SH3RF3: variants seen among roughly 807,000 people sequenced by gnomAD.
SH3RF3 encodes SH3 domain containing ring finger 3.
SH3RF3 carries 29 observed loss-of-function variants against 66.3 expected under a neutral mutation model. The observed-to-expected ratio is 0.44, with a 90% CI of 0.33 to 0.60. The LOEUF (loss-of-function observed/expected upper bound fraction) is 0.60, where lower values mean the gene tolerates loss of function less well. Among genes scored for constraint, SH3RF3 ranks in the 20% least tolerant of loss-of-function variants. The pLI, the probability that SH3RF3 is intolerant of heterozygous loss-of-function variation, is 0.04. For missense variants in SH3RF3, 1,194 were observed against 1,190.9 expected (o/e 1.00, Z -0.04); for synonymous variants, 583 against 532.0 (o/e 1.10, Z -1.32).
chr2:109,484,071 T>C (rs1461281622), intron 8 of SH3RF3, among the ~76,000 whole-genome samples: 4 of 148,188 alleles, frequency 2.7e-5, no homozygotes, highest in South Asian at 2.1e-4. Context: ...GCCTTTCTTT[T>C]TTTTTTTTTT....
chr2:109,209,897 C>G (rs1436912487), intron 1 of SH3RF3, among the ~76,000 whole-genome samples: 1 of 152,012 alleles, frequency 6.6e-6, no homozygotes, highest in East Asian at 1.9e-4. Flanking sequence ...TAAGTACGTC[C>G]CCCCTGTTTT....
At chr2:109,397,194 G>A (rs550368884) in intron 3 of SH3RF3, among the ~76,000 whole-genome samples, 2 of 152,216 alleles carry the variant, frequency 1.3e-5, no homozygotes, top group South Asian at 4.1e-4. Flanking sequence ...GTTTCCGCTT[G>A]GTGAGGAGAA....
At chr2:109,364,085 C>T (rs1214648440) in intron 2 of SH3RF3, among the ~76,000 whole-genome samples, 1 of 151,656 alleles carries the variant, frequency 6.6e-6, no homozygotes, top group Non-Finnish European at 1.5e-5. Flanking sequence ...TTCTAGTATT[C>T]CCATTACATA....
chr2:109,135,501 G>A (rs1194961285), intron 1 of SH3RF3, among the ~76,000 whole-genome samples: 1 of 152,232 alleles, frequency 6.6e-6, no homozygotes. Flanking sequence ...CCTGGCACAC[G>A]TGATTGGCTG....
chr2:109,423,477 C>T (rs1320867277), intron 5 of SH3RF3, among the ~76,000 whole-genome samples: 3 of 152,202 alleles, frequency 2.0e-5, no homozygotes, highest in Admixed American at 2.0e-4. Context: ...AAAAGGACTG[C>T]TGACCAAACC....
intron 1 of SH3RF3, among the ~76,000 whole-genome samples, chr2:109,285,514 A>C (rs924659883): frequency 5.3e-5 from 8 of 152,168 alleles, no homozygotes; most frequent in African/African-American, 1.9e-4. Flanking sequence ...ATGCTGGGGC[A>C]CTTGGACTGC....
intron 2 of SH3RF3, among the ~76,000 whole-genome samples, chr2:109,363,433 AAC>A (rs1281092745): frequency 3.3e-5 from 5 of 152,152 alleles, no homozygotes; most frequent in African/African-American, 1.2e-4. Flanking sequence ...AGTGTATGTA[AAC>A]ACACACACAT....
chr2:109,389,207 G>T (rs1161545941), intron 3 of SH3RF3, among the ~76,000 whole-genome samples: 2 of 152,200 alleles, frequency 1.3e-5, no homozygotes, highest in African/African-American at 4.8e-5. Flanking sequence ...TGGGTTTTGA[G>T]TCAGCTGTGA....
In SH3RF3 at chr2:109,419,649, T is replaced by C. The variant is rs1676820226; in HGVS notation, c.1403+7T>C. 1.3e-6 allele frequency: 2 copies of C among 1,565,910 alleles called. No individual in the cohort carries two copies. Among genetic ancestry groups the C allele is most frequent in the South Asian group, 2.3e-5 (2 of 85,282 alleles). On this transcript the variant is annotated splice_region_variant and intron_variant, in intron 5 of 9. Transcript: ENST00000309415. The stretch of plus-strand genomic sequence containing the variant: ...TCCAGCTGCCCCTCAACGTGTGAGC[T>C]GCCCTTTGTGTCTGTCGGGGTCCTG...
intron 1 of SH3RF3, among the ~76,000 whole-genome samples, chr2:109,249,647 C>CTCTTTCTTTCTTTCTTTCTTTCTTTCTT (rs749986705): frequency 9.6e-4 from 126 of 130,844 alleles, no homozygotes; most frequent in African/African-American, 3.6e-3. Context: ...CTCTGTTTCT[C>CTCTTTCTTTCTTTCTTTCTTTCTTTCTT]TCTTTCTTTC....
intron 1 of SH3RF3, among the ~76,000 whole-genome samples, chr2:109,133,337 C>T (rs1574466727): frequency 1.3e-5 from 2 of 152,198 alleles, no homozygotes; most frequent in East Asian, 1.9e-4. Context: ...AAAATCTCTT[C>T]TGTGTCTCTT....
chr2:109,243,886 T>A (rs1470983386), intron 1 of SH3RF3, among the ~76,000 whole-genome samples: 1 of 152,094 alleles, frequency 6.6e-6, no homozygotes, highest in Admixed American at 6.5e-5. Flanking sequence ...AGTAAATAGA[T>A]GAGTGAGTAG....
In SH3RF3 at chr2:109,355,777, C is replaced by T. The variant is rs114786608; in HGVS notation, c.849+7828C>T. ...TCCATGCCATGCGGATCAGTCTTGCCGTCTTCATATACAAAGCCCATTTGG... is the reference window on the plus strand; with the variant it reads ...TCCATGCCATGCGGATCAGTCTTGCTGTCTTCATATACAAAGCCCATTTGG... On this transcript the variant is annotated intron_variant, in intron 2 of 9. Transcript: ENST00000309415. Among the ~76,000 whole-genome samples, 1,182 of 152,258 alleles carry T rather than the reference C, an allele frequency of 7.8e-3. 17 individuals carry two copies. Among genetic ancestry groups the T allele is most frequent in the African/African-American group, 0.027 (1,129 of 41,536 alleles).
intron 3 of SH3RF3, among the ~76,000 whole-genome samples, chr2:109,383,901 C>A (rs1675757969): frequency 6.6e-6 from 1 of 152,228 alleles, no homozygotes; most frequent in African/African-American, 2.4e-5. Context: ...CACCCTACCA[C>A]CCCGCTGAGT....
At chr2:109,488,969 C>G (rs1679053243) in intron 8 of SH3RF3, among the ~76,000 whole-genome samples, 1 of 152,190 alleles carries the variant, frequency 6.6e-6, no homozygotes, top group African/African-American at 2.4e-5. Flanking sequence ...CTCCTGAAAT[C>G]ACCCAGAACT....
intron 1 of SH3RF3, among the ~76,000 whole-genome samples, chr2:109,189,318 A>G (rs907034400): frequency 2.7e-5 from 4 of 148,846 alleles, no homozygotes; most frequent in African/African-American, 9.9e-5. Context: ...GACACCCCCC[A>G]CCATCTACCA....
chr2:109,336,453 T>C (rs1189021629), intron 1 of SH3RF3, among the ~76,000 whole-genome samples: 1 of 152,232 alleles, frequency 6.6e-6, no homozygotes, highest in African/African-American at 2.4e-5. Flanking sequence ...GTTTCTCCCT[T>C]GGGTACAAAG....
At chr2:109,144,673 C>T (rs376060889) in intron 1 of SH3RF3, among the ~76,000 whole-genome samples, 2 of 152,226 alleles carry the variant, frequency 1.3e-5, no homozygotes, top group African/African-American at 4.8e-5. Context: ...TTCCCCGAGT[C>T]CTTATGCCAC....
At chr2:109,286,634 A>T (rs761448966) in intron 1 of SH3RF3, among the ~76,000 whole-genome samples, 5 of 152,134 alleles carry the variant, frequency 3.3e-5, no homozygotes, top group Non-Finnish European at 7.4e-5. Flanking sequence ...CATGATTCTA[A>T]ATCCCAGGAG....
Sources: gnomAD v4.1 joint callset for allele counts (sites outside exome capture counted in the v4.1 genomes callset) on GRCh38, gnomAD v4.1.1 for gene constraint, MANE v1.5 for transcripts, NCBI Gene and HGNC (gene_info 2026-07-23, HGNC 2026-07-21) for gene names.